ELP4: variants seen among roughly 807,000 people sequenced by gnomAD.
ELP4 encodes elongator acetyltransferase complex subunit 4.
ELP4 carries 51 observed loss-of-function variants against 48.9 expected under a neutral mutation model. That is an observed-to-expected ratio of 1.04 (90% confidence interval 0.83 to 1.32). The LOEUF (loss-of-function observed/expected upper bound fraction) is 1.32, where lower values mean the gene tolerates loss of function less well. ELP4 is among the 40% of genes most tolerant of loss of function. The pLI, the probability that ELP4 is intolerant of heterozygous loss-of-function variation, is 0.00. For synonymous variants in ELP4, 210 were observed against 189.2 expected, an observed-to-expected ratio of 1.11 and a Z score of -0.90; for missense variants, 519 against 514.6, an observed-to-expected ratio of 1.01 and a Z score of -0.08.
At chr11:31,701,724 A>G in intron 9 of ELP4, among the ~76,000 whole-genome samples, 3 of 150,034 alleles carry the variant, frequency 2.0e-5, no homozygotes, top group East Asian at 3.9e-4. Context: ...AAATATATAT[A>G]CACACATTAT....
At chr11:31,732,477 A>T (rs542926964) in intron 9 of ELP4, among the ~76,000 whole-genome samples, 1 of 151,540 alleles carries the variant, frequency 6.6e-6, no homozygotes, top group African/African-American at 2.4e-5. Context: ...ACTAAAAAAA[A>T]AAAAAATAAA....
At chr11:31,572,395 A>T (rs1256865584) in intron 3 of ELP4, among the ~76,000 whole-genome samples, 1 of 152,232 alleles carries the variant, frequency 6.6e-6, no homozygotes, top group Non-Finnish European at 1.5e-5. Flanking sequence ...GAAAATACCT[A>T]TGCCAGTAAA....
chr11:31,738,757 T>G (rs936853977), intron 9 of ELP4, among the ~76,000 whole-genome samples: 8 of 151,878 alleles, frequency 5.3e-5, no homozygotes, highest in African/African-American at 1.9e-4. Flanking sequence ...AAAAAGAAAT[T>G]ATAACATATT....
At chr11:31,726,195 G>A (rs1947072507) in intron 9 of ELP4, among the ~76,000 whole-genome samples, 1 of 152,120 alleles carries the variant, frequency 6.6e-6, no homozygotes, top group Non-Finnish European at 1.5e-5. Context: ...AGAAAAGCAG[G>A]CTGGGAACAT....
intron 5 of ELP4, among the ~76,000 whole-genome samples, chr11:31,613,689 G>A (rs1001547110): frequency 8.9e-5 from 13 of 145,986 alleles, no homozygotes; most frequent in African/African-American, 2.5e-4. Context: ...TGTTTTATAC[G>A]TTTGAATTTT....
At chr11:31,619,992 G>T (rs1200861219) in intron 5 of ELP4, among the ~76,000 whole-genome samples, 1 of 151,972 alleles carries the variant, frequency 6.6e-6, no homozygotes, top group East Asian at 1.9e-4. Flanking sequence ...TGTCCCTTCT[G>T]GCTGCTTCTG....
At chr11:31,763,977 A>G (rs1240362723) in intron 9 of ELP4, among the ~76,000 whole-genome samples, 1 of 152,132 alleles carries the variant, frequency 6.6e-6, no homozygotes, top group African/African-American at 2.4e-5. Flanking sequence ...AGTTATTGAT[A>G]ATAAGCTTTA....
chr11:31,715,584 G>A (rs999613216), intron 9 of ELP4, among the ~76,000 whole-genome samples: 1 of 152,134 alleles, frequency 6.6e-6, no homozygotes, highest in Non-Finnish European at 1.5e-5. Flanking sequence ...AAGTATTGTG[G>A]AACCAACAAG....
intron 9 of ELP4, among the ~76,000 whole-genome samples, chr11:31,722,134 G>A (rs1210631651): frequency 6.6e-6 from 1 of 152,088 alleles, no homozygotes; most frequent in Admixed American, 6.5e-5. Flanking sequence ...TTAAATAATT[G>A]CAATGTTCCT....
intron 3 of ELP4, among the ~76,000 whole-genome samples, chr11:31,540,290 T>G (rs1387607716): frequency 6.6e-6 from 1 of 152,224 alleles, no homozygotes; most frequent in Non-Finnish European, 1.5e-5. Flanking sequence ...ATTTGAATTT[T>G]CAGCCTGAAA....
intron 9 of ELP4, among the ~76,000 whole-genome samples, chr11:31,679,850 G>A (rs1490328334): frequency 3.3e-5 from 5 of 152,112 alleles, no homozygotes; most frequent in Admixed American, 6.5e-5. Context: ...GGATTACGTT[G>A]AATTTATAGA....
rs1367915739 is a variant in ELP4, at chr11:31,779,954, T to C, written c.1144-3439T>C. The C allele has an allele frequency of 3.9e-5, 6 of 152,308 alleles. No homozygotes were observed. In the East Asian group the frequency reaches 9.6e-4, roughly 24 times the overall value. 9.4% of individuals were successfully genotyped at this position (152,308 alleles called of 1,614,324 possible). Reference sequence around the variant, plus strand: ...AAATTTCAGCTCAAGAAGTAAGATATGGTTTTGGTTTTGGCCCTTGCTTCA... The same window carrying C: ...AAATTTCAGCTCAAGAAGTAAGATACGGTTTTGGTTTTGGCCCTTGCTTCA... On this transcript the variant is annotated intron_variant, in intron 9 of 9. Coordinates refer to ENST00000640961, the MANE Select transcript of ELP4 (RefSeq NM_019040.5).
chr11:31,607,761 G>A (rs186869106), intron 5 of ELP4, among the ~76,000 whole-genome samples: 3 of 152,232 alleles, frequency 2.0e-5, no homozygotes, highest in Non-Finnish European at 4.4e-5. Flanking sequence ...ATTTTAACAT[G>A]TTTATCATAA....
chr11:31,772,138 T>C (rs896319721), intron 9 of ELP4, among the ~76,000 whole-genome samples: 1 of 150,342 alleles, frequency 6.7e-6, no homozygotes, highest in Admixed American at 6.6e-5. Flanking sequence ...TTTTTTTTTT[T>C]AGAATAAGTC....
At chr11:31,718,548 A>C (rs1256457957) in intron 9 of ELP4, among the ~76,000 whole-genome samples, 1 of 152,186 alleles carries the variant, frequency 6.6e-6, no homozygotes, top group Non-Finnish European at 1.5e-5. Flanking sequence ...AGTTGGAAAA[A>C]TTTGATGGCT....
chr11:31,729,645 T>G (rs1947143672), intron 9 of ELP4, among the ~76,000 whole-genome samples: 1 of 152,206 alleles, frequency 6.6e-6, no homozygotes, highest in Admixed American at 6.5e-5. Flanking sequence ...TTTAATAAAT[T>G]AACCCATTTA....
intron 9 of ELP4, chr11:31,650,711 G>T (rs981738104): frequency 6.6e-6 from 1 of 151,812 alleles, no homozygotes; most frequent in African/African-American, 2.4e-5. Flanking sequence ...CATTTTCTAA[G>T]ACACTACAAC....
chr11:31,617,424 AAG>A (rs1944513795), intron 5 of ELP4, among the ~76,000 whole-genome samples: 1 of 152,036 alleles, frequency 6.6e-6, no homozygotes, highest in African/African-American at 2.4e-5. Context: ...GGTTGAGGGA[AAG>A]AGGGAAGTGA....
intron 9 of ELP4, among the ~76,000 whole-genome samples, chr11:31,771,819 G>C (rs370123871): frequency 6.6e-6 from 1 of 152,092 alleles, no homozygotes; most frequent in Non-Finnish European, 1.5e-5. Context: ...ATCTACTAAA[G>C]ATACAAAAAT....
Sources: gnomAD v4.1 joint callset for allele counts (sites outside exome capture counted in the v4.1 genomes callset) on GRCh38, gnomAD v4.1.1 for gene constraint, MANE v1.5 for transcripts, NCBI Gene and HGNC (gene_info 2026-07-23, HGNC 2026-07-21) for gene names.